The following GPM6A variants were observed in gnomAD, a reference collection of about 807,000 sequenced individuals.
The protein encoded by GPM6A is neuronal membrane glycoprotein M6-a.
GPM6A carries 7 observed loss-of-function variants against 32.1 expected under a neutral mutation model. The ratio of observed to expected loss-of-function variants is 0.22; its 90% confidence interval spans 0.12 to 0.41. The LOEUF is 0.41. Among genes scored for constraint, GPM6A ranks in the 10% least tolerant of loss-of-function variants. The pLI, the probability that GPM6A is intolerant of heterozygous loss-of-function variation, is 1.00. For missense variants in GPM6A, 235 were observed against 347.2 expected (o/e 0.68, Z 2.57); for synonymous variants, 130 against 123.4 (o/e 1.05, Z -0.35).
At chr4:175,741,502 C>T (rs1055709425) in intron 1 of GPM6A, among the ~76,000 whole-genome samples, 5 of 152,060 alleles carry the variant, frequency 3.3e-5, no homozygotes, top group South Asian at 2.1e-4. Flanking sequence ...ATGGAATGCA[C>T]GACCCTTCAT....
At chr4:175,713,552 A>T (rs1745669883) in intron 1 of GPM6A, among the ~76,000 whole-genome samples, 1 of 152,200 alleles carries the variant, frequency 6.6e-6, no homozygotes, top group Non-Finnish European at 1.5e-5. Flanking sequence ...AATATTGTTA[A>T]ATTTTTATTA....
chr4:175,820,794 C>T (rs927869566), intron 1 of GPM6A, among the ~76,000 whole-genome samples: 5 of 152,094 alleles, frequency 3.3e-5, no homozygotes, highest in South Asian at 2.1e-4. Context: ...CCACCACACC[C>T]GGCCTGTTTT....
At chr4:175,954,166 A>C (rs1739908663) in intron 1 of GPM6A, among the ~76,000 whole-genome samples, 1 of 152,210 alleles carries the variant, frequency 6.6e-6, no homozygotes, top group African/African-American at 2.4e-5. Context: ...TGGCTATTTC[A>C]ATTTGAATAA....
intron 1 of GPM6A, among the ~76,000 whole-genome samples, chr4:175,991,547 A>C (rs1741145221): frequency 6.6e-6 from 1 of 152,180 alleles, no homozygotes; most frequent in African/African-American, 2.4e-5. Context: ...GTTGAAGTTC[A>C]TTATTTGCAC....
chr4:175,947,588 T>C (rs770413587), intron 1 of GPM6A: 1 of 152,160 alleles, frequency 6.6e-6, no homozygotes, highest in African/African-American at 2.4e-5. Context: ...TTATTCCTGA[T>C]AATAATGAGC....
intron 3 of GPM6A, among the ~76,000 whole-genome samples, chr4:175,669,033 C>G (rs762151419): frequency 3.9e-5 from 6 of 152,148 alleles, no homozygotes; most frequent in Non-Finnish European, 8.8e-5. Flanking sequence ...GAGGCAGCTT[C>G]TTCATCTCTG....
At chr4:175,865,219 T>C (rs546801519) in intron 1 of GPM6A, among the ~76,000 whole-genome samples, 1 of 152,344 alleles carries the variant, frequency 6.6e-6, no homozygotes, top group East Asian at 1.9e-4. Flanking sequence ...TTGAATTACC[T>C]TGAAAACACT....
At chr4:175,903,177 T>G (rs1738022715) in intron 1 of GPM6A, among the ~76,000 whole-genome samples, 2 of 152,000 alleles carry the variant, frequency 1.3e-5, no homozygotes, top group East Asian at 3.9e-4. Context: ...TGACAAAAGT[T>G]TTCGAATAAT....
intron 1 of GPM6A, among the ~76,000 whole-genome samples, chr4:175,903,320 A>G (rs1438623891): frequency 6.6e-6 from 1 of 152,196 alleles, no homozygotes; most frequent in Non-Finnish European, 1.5e-5. Flanking sequence ...TTAATAGATA[A>G]ATAAATAGAA....
chr4:175,775,375 A>C (rs935368721), intron 1 of GPM6A, among the ~76,000 whole-genome samples: 3 of 152,130 alleles, frequency 2.0e-5, no homozygotes, highest in African/African-American at 7.2e-5. Context: ...TGAAGATATA[A>C]AAAGAACGTT....
At chr4:175,722,835 G>C (rs939024168) in intron 1 of GPM6A, among the ~76,000 whole-genome samples, 13 of 152,010 alleles carry the variant, frequency 8.6e-5, no homozygotes, top group South Asian at 4.2e-4. Context: ...CTTGAGCCCA[G>C]GAGTTCGAGG....
At chr4:175,737,466 C>A (rs1731709634) in intron 1 of GPM6A, among the ~76,000 whole-genome samples, 1 of 150,798 alleles carries the variant, frequency 6.6e-6, no homozygotes, top group African/African-American at 2.4e-5. Context: ...GAGATTGTGC[C>A]ATTGCACTCC....
intron 1 of GPM6A, among the ~76,000 whole-genome samples, chr4:175,882,690 A>T (rs1737320105): frequency 6.6e-6 from 1 of 152,076 alleles, no homozygotes; most frequent in African/African-American, 2.4e-5. Flanking sequence ...TATGCCAGAC[A>T]TGTAAAAAAC....
At chr4:175,799,744 G>A (rs568682701) in intron 1 of GPM6A, among the ~76,000 whole-genome samples, 1 of 133,456 alleles carries the variant, frequency 7.5e-6, no homozygotes, top group Admixed American at 7.7e-5. Context: ...GCGCAATCTC[G>A]GCTCACTGCA....
At chr4:175,782,395 ATC>A (rs1579494534) in intron 1 of GPM6A, among the ~76,000 whole-genome samples, 1 of 152,210 alleles carries the variant, frequency 6.6e-6, no homozygotes, top group African/African-American at 2.4e-5. Context: ...CTTATGCAGA[ATC>A]TCTCTAAAAT....
At chr4:175,817,684 T>C (rs1735150825) in intron 1 of GPM6A, among the ~76,000 whole-genome samples, 1 of 152,174 alleles carries the variant, frequency 6.6e-6, no homozygotes, top group Admixed American at 6.5e-5. Flanking sequence ...AAAGAAAAGA[T>C]ATTCTGAACA....
At chr4:175,650,239 C>T (rs1038784300) in intron 4 of GPM6A, among the ~76,000 whole-genome samples, 1 of 151,874 alleles carries the variant, frequency 6.6e-6, no homozygotes, top group Non-Finnish European at 1.5e-5. Flanking sequence ...AAGAGGACTG[C>T]TCACTTATTT....
Position 175,721,718 on chromosome 4 carries a change from C to T in GPM6A, c.38-19951G>A, listed in dbSNP as rs187926126. On this transcript the variant is annotated intron_variant, in intron 1 of 6. Coordinates refer to ENST00000393658, the MANE Select transcript of GPM6A (RefSeq NM_201591.3). Reference sequence around the variant, plus strand: ...TGTATTCTCGATGAAAAACTGTTGACACTTCATGTGGCTTCAATAGGTAGA... The same window carrying T: ...TGTATTCTCGATGAAAAACTGTTGATACTTCATGTGGCTTCAATAGGTAGA... Among the ~76,000 whole-genome samples the T allele has an allele frequency of 9.2e-5, 14 of 152,200 alleles. No individual in the cohort carries two copies. In the East Asian group the frequency reaches 2.7e-3, roughly 29 times the overall value.
chr4:175,642,472 C>A (rs1741204760), intron 4 of GPM6A, among the ~76,000 whole-genome samples: 1 of 152,178 alleles, frequency 6.6e-6, no homozygotes, highest in Non-Finnish European at 1.5e-5. Context: ...CCCTAACCCC[C>A]CTCCATGGAA....
Sources: gnomAD v4.1 joint callset for allele counts (sites outside exome capture counted in the v4.1 genomes callset) on GRCh38, gnomAD v4.1.1 for gene constraint, MANE v1.5 for transcripts, NCBI Gene and HGNC (gene_info 2026-07-23, HGNC 2026-07-21) for gene names.